Variants in VPS72 observed in about 807,000 individuals in gnomAD.
VPS72 encodes the protein vacuolar protein sorting 72 homolog.
VPS72 carries 27 observed loss-of-function variants against 38.9 expected under a neutral mutation model. That is an observed-to-expected ratio of 0.69 (90% CI 0.51 to 0.96). The LOEUF (loss-of-function observed/expected upper bound fraction) is 0.96. Ranked by LOEUF, VPS72 falls within the 40% of genes least tolerant of loss-of-function variation. The probability of loss-of-function intolerance (pLI) is 0.00; values close to 1 mark genes in which losing one functional copy is unlikely to be tolerated. For missense variants in VPS72, 360 were observed against 479.5 expected (o/e 0.75, Z 2.33); for synonymous variants, 173 against 186.3 (o/e 0.93, Z 0.58).
chr1:151,189,709 G>A lies in VPS72; in HGVS notation c.117+296C>T, dbSNP rs587719220. On this transcript the variant is annotated intron_variant, in intron 1 of 5. Coordinates refer to ENST00000368892, the MANE Select transcript of VPS72 (RefSeq NM_005997.3). ...GTATGCTGGACGTCAGAAGTACAGT[G>A]AAAGATGCAACCACGCAAGTATACG... Among the ~76,000 whole-genome samples the A allele has an allele frequency of 3.5e-4, 53 of 152,200 alleles. 2 individuals carry two copies. In the South Asian group the frequency reaches 0.01, roughly 30 times the overall value.
intron 3 of VPS72, 88 bp from the exon 4 acceptor site, chr1:151,184,581 T>C (rs1172118256): frequency 3.1e-6 from 4 of 1,308,276 alleles, no homozygotes; most frequent in African/African-American, 1.5e-5. Flanking sequence ...TTGGAAATAA[T>C]TTTTTTTTCT....
At position 151,176,666 on chromosome 1, in the gene VPS72, C is replaced by T. The variant is rs765334663; in HGVS notation, c.1073G>A (p.Arg358His). The change falls in exon 6 of 6, where the codon CGC (arginine) becomes CAC (histidine). Residue 358 changes from arginine to histidine, a missense_variant. Around this residue, in one of 2 missense-constraint regions of VPS72, gnomAD observed 294 missense variants for 356.3 expected, o/e 0.83. Coordinates refer to ENST00000368892, the MANE Select transcript of VPS72 (RefSeq NM_005997.3). Reference sequence around the variant, plus strand: ...TCTTCATTTAATGACAATTTTCTGGCGCAAGGCTCGGGGCCCAGAGCCAGG... The same window carrying T: ...TCTTCATTTAATGACAATTTTCTGGTGCAAGGCTCGGGGCCCAGAGCCAGG... ...PLPGSGPRALRQKIVIK is the reference protein window; with the variant it reads ...PLPGSGPRALHQKIVIK The T allele has an allele frequency of 1.2e-6, 2 of 1,613,706 alleles. No homozygotes were observed. Among genetic ancestry groups the T allele is most frequent in the Non-Finnish European group, 1.7e-6 (2 of 1,179,890 alleles).
chr1:151,189,864 G>C, intron 1 of VPS72, 141 bp downstream of exon 1: 2 of 961,568 alleles, frequency 2.1e-6, no homozygotes, highest in Non-Finnish European at 3.2e-6. Context: ...TCGCCCCCCG[G>C]CTCCGATTCA....
intron 1 of VPS72, 102 bp downstream of exon 1, chr1:151,189,903 A>G: frequency 7.6e-7 from 1 of 1,322,054 alleles, no homozygotes; most frequent in South Asian, 1.3e-5. Flanking sequence ...CAGCTCCCAG[A>G]GCTCCTCTCT....
At chr1:151,189,091 A>T (rs1684408085) in intron 1 of VPS72, among the ~76,000 whole-genome samples, 1 of 152,162 alleles carries the variant, frequency 6.6e-6, no homozygotes, top group African/African-American at 2.4e-5. Context: ...GGCCTTCCAA[A>T]GTGCTGGGAT....
intron 4 of VPS72, among the ~76,000 whole-genome samples, chr1:151,183,530 C>T (rs994468252): frequency 6.6e-6 from 1 of 150,568 alleles, no homozygotes; most frequent in African/African-American, 2.4e-5. Context: ...GGTGTGATCT[C>T]GGCTCATTGC....
rs760640116 is a variant in VPS72 at position 151,185,876 on chromosome 1, A to G, written c.192T>C (p.Asp64=). 4 of 1,613,922 alleles carry G rather than the reference A, an allele frequency of 2.5e-6. No homozygotes were observed. In the Admixed American group the frequency reaches 5.0e-5, roughly 20 times the overall value. Reference sequence around the variant, plus strand: ...CATCACTGGATGGTTCATCCCCTTCATCAATGTCAAAGTCAGAGTCCACTT... The same window carrying G: ...CATCACTGGATGGTTCATCCCCTTCGTCAATGTCAAAGTCAGAGTCCACTT... ...EDEVDSDFDI[D]EGDEPSSDGE... The change falls in exon 2 of 6, where the codon GAT becomes GAC. Residue 64 remains aspartate, a synonymous_variant. Coordinates refer to ENST00000368892, the MANE Select transcript of VPS72 (RefSeq NM_005997.3).
At chr1:151,189,083 C>A (rs1351566184) in intron 1 of VPS72, among the ~76,000 whole-genome samples, 2 of 152,188 alleles carry the variant, frequency 1.3e-5, no homozygotes, top group Non-Finnish European at 1.5e-5. Flanking sequence ...CCCGCCTCGG[C>A]CTTCCAAAGT....
intron 1 of VPS72, among the ~76,000 whole-genome samples, chr1:151,186,659 T>A (rs587661802): frequency 2.0e-5 from 3 of 151,916 alleles, no homozygotes; most frequent in African/African-American, 7.2e-5. Context: ...CATGGGCAGA[T>A]GAAATAGCAG....
At chr1:151,188,576 G>C (rs1684399572) in intron 1 of VPS72, among the ~76,000 whole-genome samples, 1 of 152,190 alleles carries the variant, frequency 6.6e-6, no homozygotes, top group East Asian at 1.9e-4. Flanking sequence ...TCAATCTTTA[G>C]TCTCCTTCAT....
chr1:151,184,278 C>A, intron 4 of VPS72, 39 bp downstream of exon 4: 1 of 1,603,434 alleles, frequency 6.2e-7, no homozygotes, highest in Non-Finnish European at 8.5e-7. Flanking sequence ...TCATGCCCCT[C>A]AGCCCCTCTA....
intron 4 of VPS72, among the ~76,000 whole-genome samples, chr1:151,180,773 GGA>G (rs997688202): frequency 8.5e-5 from 13 of 152,236 alleles, no homozygotes; most frequent in African/African-American, 3.1e-4. Context: ...TACACCCTCT[GGA>G]ACTCGTGCTC....
chr1:151,179,677 G>A (rs1161572723), intron 4 of VPS72, among the ~76,000 whole-genome samples: 1 of 152,090 alleles, frequency 6.6e-6, no homozygotes, highest in Non-Finnish European at 1.5e-5. Context: ...CAGAGCACCT[G>A]AGGTCGGGAG....
chr1:151,190,143 G>GA lies in VPS72; in HGVS notation c.-23_-22insT. 6.2e-7 allele frequency: 1 copy of GA among 1,609,882 alleles called. No homozygotes were observed. Among genetic ancestry groups the GA allele is most frequent in the South Asian group, 1.1e-5 (1 of 91,042 alleles). ...TCATACCGCCTACCGAGACTGCGCC[G>GA]CCACCTGCAGCCCCTCACCAGCTCG... is the stretch of plus-strand genomic sequence containing the variant. On this transcript the variant is annotated 5_prime_UTR_variant, in exon 1 of 6. Transcript: ENST00000368892.
At chr1:151,183,480 G>A (rs1034140815) in intron 4 of VPS72, among the ~76,000 whole-genome samples, 2 of 150,438 alleles carry the variant, frequency 1.3e-5, no homozygotes, top group Admixed American at 6.6e-5. Context: ...CCTTACAGTG[G>A]TCCAAACCAA....
Position 151,176,962 on chromosome 1 carries a change from A to G in VPS72, c.777T>C (p.Ala259=), listed in dbSNP as rs1002218154. 1 of 1,609,926 alleles carries G rather than the reference A, an allele frequency of 6.2e-7. No individual in the cohort carries two copies. Among genetic ancestry groups the G allele is most frequent in the Non-Finnish European group, 8.5e-7 (1 of 1,177,088 alleles). ...AAGTGATGAAGGTACGTGAGCAGCG[A>G]GCAGGGGGGTTGACGGGTCCAGTCC... is the stretch of plus-strand genomic sequence containing the variant. The part of the protein sequence containing the change: ...HAGTGPVNPP[A]RCSRTFITFS... Residue 259 remains alanine, a synonymous_variant, in exon 6 of 6, where the codon GCT becomes GCC. Transcript: ENST00000368892.
At chr1:151,181,391 G>A (rs947528515) in intron 4 of VPS72, among the ~76,000 whole-genome samples, 6 of 151,698 alleles carry the variant, frequency 4.0e-5, no homozygotes, top group Non-Finnish European at 7.4e-5. Flanking sequence ...CTACAGGCAC[G>A]CACCACCATG....
At chr1:151,178,173 G>A (rs1253146286) in intron 4 of VPS72, 28 bp from the exon 5 acceptor site, 2 of 1,609,792 alleles carry the variant, frequency 1.2e-6, no homozygotes, top group African/African-American at 1.3e-5. Context: ...GAAATGAGGG[G>A]ATGATCAGAA....
intron 1 of VPS72, 67 bp downstream of exon 1, chr1:151,189,938 C>T: frequency 6.4e-7 from 1 of 1,554,728 alleles, no homozygotes; most frequent in South Asian, 1.1e-5. Context: ...TCTTCTTTGT[C>T]CGGGGTTTCT....
Sources: gnomAD v4.1 joint callset for allele counts (sites outside exome capture counted in the v4.1 genomes callset) on GRCh38, gnomAD v4.1.1 for gene constraint, gnomAD v4.1.1 regional missense constraint, MANE v1.5 for transcripts, NCBI Gene and HGNC (gene_info 2026-07-23, HGNC 2026-07-21) for gene names.